The following GAB1 variants were observed in gnomAD, a reference collection of about 807,000 sequenced individuals.
GAB1 encodes GRB2-associated-binding protein 1.
Under a neutral mutation model 66.5 loss-of-function variants are expected in GAB1, and 19 were observed. The observed-to-expected ratio is 0.29, with a 90% CI of 0.20 to 0.42. The LOEUF is 0.42. Ranked by LOEUF, GAB1 falls within the 10% of genes least tolerant of loss-of-function variation. The probability of loss-of-function intolerance (pLI) is 1.00; values close to 1 mark genes in which losing one functional copy is unlikely to be tolerated. For missense variants in GAB1, 732 were observed against 858.5 expected, an observed-to-expected ratio of 0.85 and a Z score of 1.84; for synonymous variants, 294 against 301.4, an observed-to-expected ratio of 0.98 and a Z score of 0.25.
At chr4:143,444,289 G>A (rs571811224) in intron 6 of GAB1, among the ~76,000 whole-genome samples, 11 of 152,246 alleles carry the variant, frequency 7.2e-5, no homozygotes, top group African/African-American at 2.2e-4. Flanking sequence ...CCCACATGCT[G>A]TCTTTATGTT....
At chr4:143,354,408 A>G (rs575419225) in intron 1 of GAB1, among the ~76,000 whole-genome samples, 143 of 152,294 alleles carry the variant, frequency 9.4e-4, no homozygotes, top group African/African-American at 3.4e-3. Context: ...GCTCTTAGAG[A>G]GAAGCATAAC....
chr4:143,337,174 C>G lies in GAB1; in HGVS notation c.-15C>G, dbSNP rs774361896. The stretch of plus-strand genomic sequence containing the variant: ...CCCCTCAGCTGCCCGGCCCGGAGCC[C>G]GAGACGCGCGCACCATGAGCGGTGG... On this transcript the variant is annotated 5_prime_UTR_variant, in exon 1 of 10. Coordinates refer to ENST00000262994, the MANE Select transcript of GAB1 (RefSeq NM_002039.4). 29 of 1,567,804 alleles carry G rather than the reference C, an allele frequency of 1.8e-5. No individual in the cohort carries two copies. The highest frequency in any genetic ancestry group is 2.3e-5 in the Non-Finnish European group (27 of 1,156,054).
intron 1 of GAB1, among the ~76,000 whole-genome samples, chr4:143,369,842 A>G (rs1211665100): frequency 6.6e-6 from 1 of 152,262 alleles, no homozygotes; most frequent in African/African-American, 2.4e-5. Flanking sequence ...ATGTCTCCCC[A>G]TCTTTATAAC....
In GAB1 at chr4:143,469,250, G is replaced by C; in HGVS notation, c.*61G>C. 1.3e-6 allele frequency: 2 copies of C among 1,543,630 alleles called. No homozygotes were observed. The highest frequency in any genetic ancestry group is 1.8e-6 in the Non-Finnish European group (2 of 1,129,302). Reference sequence around the variant, plus strand: ...TGAATTGTAAAGATAAATCCCTTTTGAAGAATGACTTGACACTTCCACTCT... The same window carrying C: ...TGAATTGTAAAGATAAATCCCTTTTCAAGAATGACTTGACACTTCCACTCT... On this transcript the variant is annotated 3_prime_UTR_variant, in exon 10 of 10. Coordinates refer to ENST00000262994, the MANE Select transcript of GAB1 (RefSeq NM_002039.4).
intron 1 of GAB1, among the ~76,000 whole-genome samples, chr4:143,342,479 A>T (rs972806297): frequency 6.6e-6 from 1 of 152,038 alleles, no homozygotes; most frequent in Admixed American, 6.5e-5. Context: ...TAGACTTAAC[A>T]TAAAAATATG....
intron 1 of GAB1, among the ~76,000 whole-genome samples, chr4:143,341,811 G>C (rs1384683366): frequency 6.6e-6 from 1 of 152,152 alleles, no homozygotes; most frequent in Non-Finnish European, 1.5e-5. Flanking sequence ...GCATCTCCTT[G>C]GTTCAAGGAC....
chr4:143,429,200 T>G (rs1350020885), intron 2 of GAB1, among the ~76,000 whole-genome samples: 1 of 152,174 alleles, frequency 6.6e-6, no homozygotes, highest in Non-Finnish European at 1.5e-5. Flanking sequence ...CCTCCTGGAT[T>G]CAAGTGATTC....
chr4:143,406,126 C>T (rs1285144805), intron 1 of GAB1, among the ~76,000 whole-genome samples: 2 of 152,142 alleles, frequency 1.3e-5, no homozygotes, highest in Admixed American at 6.5e-5. Context: ...AGAGCTAAAA[C>T]GAGGATAGTC....
rs70953733 is a variant in GAB1, at chr4:143,421,698, C to CTTTTTTTTT, written c.367+5934_367+5942dup. Among the ~76,000 whole-genome samples, 93 of 118,676 alleles carry CTTTTTTTTT rather than the reference C, an allele frequency of 7.8e-4. 2 individuals are homozygous for CTTTTTTTTT. Among genetic ancestry groups the CTTTTTTTTT allele is most frequent in the South Asian group, 2.7e-3 (9 of 3,366 alleles). The allele number at this position is 118,676 out of a possible 152,430, so 77.9% of individuals were successfully genotyped here. ...TTCTTTTTTTCTTTTCTTTTCTTTT[C>CTTTTTTTTT]TTTTTTTTTTTTTTTGCATATTTCC... On this transcript the variant is annotated intron_variant, in intron 2 of 9. Transcript: ENST00000262994.
At chr4:143,427,380 C>T (rs1466502250) in intron 2 of GAB1, among the ~76,000 whole-genome samples, 1 of 152,116 alleles carries the variant, frequency 6.6e-6, no homozygotes, top group Non-Finnish European at 1.5e-5. Flanking sequence ...GGTTGCATGA[C>T]TGTTTGGAGT....
intron 1 of GAB1, chr4:143,395,198 T>C (rs1010483303): frequency 2.0e-5 from 3 of 152,250 alleles, no homozygotes; most frequent in Non-Finnish European, 4.4e-5. Flanking sequence ...TATAGAATTC[T>C]AAAATTAATC....
At chr4:143,380,086 A>T (rs796428095) in intron 1 of GAB1, among the ~76,000 whole-genome samples, 12 of 150,470 alleles carry the variant, frequency 8.0e-5, no homozygotes, top group African/African-American at 2.9e-4. Flanking sequence ...ACCCTGGTTA[A>T]GTCTAAGAGA....
At chr4:143,388,176 T>TA (rs1176087444) in intron 1 of GAB1, among the ~76,000 whole-genome samples, 2 of 152,198 alleles carry the variant, frequency 1.3e-5, no homozygotes, top group African/African-American at 4.8e-5. Flanking sequence ...CCAAGGCACT[T>TA]ACTGCTTTCT....
rs1734043372 is a variant in GAB1, at chr4:143,438,342, C to T, written c.937C>T (p.Pro313Ser). The change falls in exon 4 of 10, where the codon CCT becomes TCT. Residue 313 changes from proline to serine, a missense_variant. Physicochemically the swap from Pro to Ser is moderately conservative, Grantham distance 74. Transcript: ENST00000262994. Reference protein sequence around the residue: ...VSISYDIPPTPGNTYQIPRTF... With the variant: ...VSISYDIPPTSGNTYQIPRTF... ...TATTAGTTATGACATTCCTCCAACA[C>T]CTGGTAATACTTATCAGATTCCACG... is the stretch of plus-strand genomic sequence containing the variant. 2 of 1,613,988 alleles carry T rather than the reference C, an allele frequency of 1.2e-6. No individual in the cohort carries two copies. The highest frequency in any genetic ancestry group is 1.7e-5 in the Admixed American group (1 of 59,992).
intron 1 of GAB1, among the ~76,000 whole-genome samples, chr4:143,338,239 G>T (rs933862378): frequency 1.3e-5 from 2 of 152,202 alleles, no homozygotes; most frequent in African/African-American, 4.8e-5. Context: ...GCAAAGGAAA[G>T]AAATGACACT....
At chr4:143,425,296 G>T (rs950930501) in intron 2 of GAB1, 7 of 861,034 alleles carry the variant, frequency 8.1e-6, no homozygotes, top group Admixed American at 1.7e-5. Flanking sequence ...AGGAATACTG[G>T]CCAGAGAGCC....
chr4:143,374,969 T>C (rs1730348703), intron 1 of GAB1, among the ~76,000 whole-genome samples: 1 of 152,222 alleles, frequency 6.6e-6, no homozygotes, highest in Admixed American at 6.5e-5. Flanking sequence ...AGGAATGCTC[T>C]TGGAGTCTCA....
intron 1 of GAB1, among the ~76,000 whole-genome samples, chr4:143,361,419 C>T (rs979027714): frequency 1.1e-4 from 16 of 152,104 alleles, no homozygotes; most frequent in African/African-American, 3.6e-4. Context: ...TTATAGTGGC[C>T]TTTGACCAAA....
chr4:143,383,089 A>G (rs1229185695), intron 1 of GAB1, among the ~76,000 whole-genome samples: 2 of 152,212 alleles, frequency 1.3e-5, no homozygotes, highest in African/African-American at 4.8e-5. Flanking sequence ...TTCCATAATG[A>G]TATGTCACAG....
Sources: allele counts gnomAD v4.1 joint callset (sites outside exome capture counted in the v4.1 genomes callset), GRCh38; gene constraint gnomAD v4.1.1; transcripts MANE v1.5; gene names NCBI Gene and HGNC (gene_info 2026-07-23, HGNC 2026-07-21).